Variants in PTS observed in about 807,000 individuals in gnomAD.
PTS encodes 6-pyruvoyl tetrahydrobiopterin synthase.
Under a neutral mutation model 20.6 loss-of-function variants are expected in PTS, and 23 were observed. That is an observed-to-expected ratio of 1.12 (90% CI 0.80 to 1.58). The LOEUF is 1.58. Ranked by LOEUF, PTS falls within the 40% of genes most tolerant of loss-of-function variation. The probability of loss-of-function intolerance (pLI) is 0.00; values close to 1 mark genes in which losing one functional copy is unlikely to be tolerated. For missense variants in PTS, 186 were observed against 182.4 expected (o/e 1.02, Z -0.11); for synonymous variants, 65 against 62.5 (o/e 1.04, Z -0.19).
At chr11:112,230,935 G>A (rs1271749272) in intron 4 of PTS, among the ~76,000 whole-genome samples, 1 of 151,560 alleles carries the variant, frequency 6.6e-6, no homozygotes, top group Non-Finnish European at 1.5e-5. Flanking sequence ...TGTATTCCTT[G>A]TTGGAATATC....
intron 1 of PTS, among the ~76,000 whole-genome samples, chr11:112,228,113 T>C (rs1171739832): frequency 1.3e-5 from 2 of 152,264 alleles, no homozygotes; most frequent in Admixed American, 1.3e-4. Context: ...AAAGCAAGAT[T>C]GCTAAATAGG....
Position 112,228,585 on chromosome 11 carries a change from TTTG to T in PTS, c.84-8_84-6del. 6.3e-7 allele frequency: 1 copy of T among 1,588,572 alleles called. No homozygotes were observed. The highest frequency in any genetic ancestry group is 1.1e-5 in the South Asian group (1 of 88,070). The stretch of plus-strand genomic sequence containing the variant: ...TGTCATGCTGACTTTTTTTTTTTTT[TTTG>T]GTCAGTAAATTTCTAAGTGATGAAG... On this transcript the variant is annotated splice_polypyrimidine_tract_variant and splice_region_variant and intron_variant, in intron 1 of 5. Coordinates refer to ENST00000280362, the MANE Select transcript of PTS (RefSeq NM_000317.3).
At position 112,230,745 on chromosome 11, in the gene PTS, A is replaced by G. The variant is rs370789348; in HGVS notation, c.243+63A>G. ...TAACTGTAATATTTGGTGGCCCCCT[A>G]TCTACCTCCCCAACCAGTTATCTCC... On this transcript the variant is annotated intron_variant, in intron 4 of 5. Transcript: ENST00000280362. The G allele has an allele frequency of 7.0e-5, 96 of 1,372,816 alleles. 1 individual carries two copies. In the South Asian group the frequency reaches 9.5e-4, roughly 14 times the overall value. The allele number at this position is 1,372,816 out of a possible 1,614,324, so 85.0% of individuals were successfully genotyped here.
intron 1 of PTS, among the ~76,000 whole-genome samples, chr11:112,226,775 C>T (rs571581724): frequency 6.6e-6 from 1 of 152,016 alleles, no homozygotes; most frequent in East Asian, 1.9e-4. Flanking sequence ...AGGGCGATGG[C>T]CCACGTCTGG....
At position 112,233,845 on chromosome 11, in the gene PTS, A is replaced by G. The variant is rs543375189; in HGVS notation, c.*290A>G. On this transcript the variant is annotated 3_prime_UTR_variant, in exon 6 of 6. Coordinates refer to ENST00000280362, the MANE Select transcript of PTS (RefSeq NM_000317.3). The stretch of plus-strand genomic sequence containing the variant: ...GTGGGATTATTTGAAAGCAAAAGAA[A>G]TCTAATTTTGTTTTCTCCATTACCT... 4.3e-6 allele frequency: 1 copy of G among 235,278 alleles called. No homozygotes were observed. Among genetic ancestry groups the G allele is most frequent in the South Asian group, 8.5e-5 (1 of 11,790 alleles). The allele number at this position is 235,278 out of a possible 1,614,324, so 14.6% of individuals were successfully genotyped here.
rs76064679 is a variant in PTS, at chr11:112,228,587, T to G, written c.84-7T>G. ...TCATGCTGACTTTTTTTTTTTTTTT[T>G]GGTCAGTAAATTTCTAAGTGATGAA... On this transcript the variant is annotated splice_region_variant and splice_polypyrimidine_tract_variant and intron_variant, in intron 1 of 5. Coordinates refer to ENST00000280362, the MANE Select transcript of PTS (RefSeq NM_000317.3). 36 of 1,588,350 alleles carry G rather than the reference T, an allele frequency of 2.3e-5. No individual in the cohort carries two copies. The African/African-American group carries it at 4.3e-4, about 19-fold the overall frequency.
At chr11:112,232,120 TGTAGA>T (rs1244717197) in intron 4 of PTS, among the ~76,000 whole-genome samples, 3 of 152,136 alleles carry the variant, frequency 2.0e-5, no homozygotes, top group African/African-American at 4.8e-5. Context: ...TATCATGGCA[TGTAGA>T]GTAAAGTTAG....
intron 2 of PTS, chr11:112,229,999 T>G: frequency 1.6e-6 from 1 of 607,378 alleles, no homozygotes; most frequent in East Asian, 2.8e-5. Flanking sequence ...CTAAGCTCCT[T>G]TGTCTCGATT....
At chr11:112,226,554 G>GCCCACC in intron 1 of PTS, 28 bp downstream of exon 1, 1 of 1,510,952 alleles carries the variant, frequency 6.6e-7, no homozygotes, top group Non-Finnish European at 8.9e-7. Flanking sequence ...GTACAGCGGC[G>GCCCACC]GGCGGTGGGC....
At chr11:112,228,936 A>G (rs1193312940) in intron 2 of PTS, 3 of 474,102 alleles carry the variant, frequency 6.3e-6, no homozygotes, top group South Asian at 5.4e-5. Context: ...AGAGTACACA[A>G]CAAGTTTCTT....
At chr11:112,230,352 T>C (rs1322225548) in intron 3 of PTS, 122 bp downstream of exon 3, 28 of 1,246,222 alleles carry the variant, frequency 2.2e-5, no homozygotes, top group Non-Finnish European at 3.2e-5. Flanking sequence ...CCCTTGTATA[T>C]GTGTGTGTGG....
At position 112,230,684 on chromosome 11, in the gene PTS, T is replaced by C. The variant is rs759363496; in HGVS notation, c.243+2T>C. On this transcript the variant is annotated splice_donor_variant, in intron 4 of 5. Coordinates refer to ENST00000280362, the MANE Select transcript of PTS (RefSeq NM_000317.3). LOFTEE classifies it high-confidence loss of function. The stretch of plus-strand genomic sequence containing the variant: ...GCTGATCTCAAAAAATATATGGAGG[T>C]AATGGCATGTTGGGTGCTTATTATG... The C allele has an allele frequency of 3.7e-6, 6 of 1,607,166 alleles. No individual in the cohort carries two copies. The highest frequency in any genetic ancestry group is 4.3e-6 in the Non-Finnish European group (5 of 1,173,722).
At chr11:112,228,911 A>C (rs1161142603) in intron 2 of PTS, 1 of 553,940 alleles carries the variant, frequency 1.8e-6, no homozygotes, top group Non-Finnish European at 3.2e-6. Context: ...GGTTTAAAGC[A>C]TTTTTCTTTG....
chr11:112,233,197 T>C lies in PTS; in HGVS notation c.278T>C (p.Leu93Pro). Residue 93 changes from leucine (L) to proline (P), a missense_variant, in exon 5 of 6, where the codon CTG becomes CCG. Leu to Pro is a moderately conservative substitution (Grantham distance 98, BLOSUM62 -3). Coordinates refer to ENST00000280362, the MANE Select transcript of PTS (RefSeq NM_000317.3). ...ATGCAGCCCCTTGATCATAAGAATCTGGATATGGATGTGCCATACTTTGCA... is the reference window on the plus strand; with the variant it reads ...ATGCAGCCCCTTGATCATAAGAATCCGGATATGGATGTGCCATACTTTGCA... ...AIMQPLDHKN[L>P]DMDVPYFADV... The C allele has an allele frequency of 6.2e-7, 1 of 1,614,126 alleles. No homozygotes were observed. Among genetic ancestry groups the C allele is most frequent in the East Asian group, 2.2e-5 (1 of 44,882 alleles).
intron 2 of PTS, 34 bp downstream of exon 2, chr11:112,228,707 A>G (rs774752201): frequency 1.3e-6 from 2 of 1,551,314 alleles, no homozygotes; most frequent in Non-Finnish European, 1.8e-6. Flanking sequence ...TCAGCCCTTC[A>G]ATAAGGATGA....
At chr11:112,230,513 C>G (rs1859916594) in intron 3 of PTS, 113 bp from the exon 4 acceptor site, 1 of 994,418 alleles carries the variant, frequency 1.0e-6, no homozygotes, top group Non-Finnish European at 1.6e-6. Flanking sequence ...GGGATGAAGG[C>G]AAATGTGCAA....
intron 4 of PTS, 27 bp downstream of exon 4, chr11:112,230,709 G>A (rs2135409227): frequency 6.3e-7 from 1 of 1,576,826 alleles, no homozygotes; most frequent in Non-Finnish European, 8.7e-7. Context: ...TGCTTATTAT[G>A]TGCTATTCCC....
chr11:112,227,472 C>T (rs1859880462), intron 1 of PTS, among the ~76,000 whole-genome samples: 1 of 152,026 alleles, frequency 6.6e-6, no homozygotes, highest in African/African-American at 2.4e-5. Context: ...TTTGCATTGC[C>T]ACAAAGGAAT....
chr11:112,227,661 G>A (rs2135407792), intron 1 of PTS, among the ~76,000 whole-genome samples: 1 of 152,016 alleles, frequency 6.6e-6, no homozygotes, highest in South Asian at 2.1e-4. Context: ...GAGAGGAGAG[G>A]AGGTGCCAGG....
Sources: allele counts gnomAD v4.1 joint callset (sites outside exome capture counted in the v4.1 genomes callset), GRCh38; gene constraint gnomAD v4.1.1; transcripts MANE v1.5; gene names NCBI Gene and HGNC (gene_info 2026-07-23, HGNC 2026-07-21).